The following TDP1 variants were observed in gnomAD, a reference collection of about 807,000 sequenced individuals.
TDP1 encodes the protein tyrosyl-DNA phosphodiesterase 1, also known as tyr-DNA phosphodiesterase 1.
A neutral mutation model predicts 81.5 loss-of-function variants in TDP1; 64 were observed. The observed-to-expected ratio is 0.79, with a 90% CI of 0.64 to 0.97. The LOEUF (loss-of-function observed/expected upper bound fraction) is 0.97, where lower values mean the gene tolerates loss of function less well. Among genes scored for constraint, TDP1 ranks in the 50% least tolerant of loss-of-function variants. The pLI is 0.00. For synonymous variants in TDP1, 256 were observed against 264.3 expected (o/e 0.97, Z 0.30); for missense variants, 723 against 743.8 (o/e 0.97, Z 0.33).
chr14:89,976,841 G>A (rs1319493547), intron 7 of TDP1, among the ~76,000 whole-genome samples: 3 of 152,078 alleles, frequency 2.0e-5, no homozygotes, highest in Non-Finnish European at 4.4e-5. Flanking sequence ...CTGGCCAAGA[G>A]CTCTTAATTC....
intron 16 of TDP1, among the ~76,000 whole-genome samples, chr14:90,035,461 CAA>C (rs754856885): frequency 6.6e-5 from 9 of 136,068 alleles, no homozygotes; most frequent in Non-Finnish European, 4.8e-5. Context: ...TACCTGCCAC[CAA>C]AAAAAAAAAA....
At chr14:90,035,733 C>CTTTTTTTTTT (rs543354253) in intron 16 of TDP1, among the ~76,000 whole-genome samples, 54 of 139,050 alleles carry the variant, frequency 3.9e-4, no homozygotes, top group African/African-American at 1.3e-3. Flanking sequence ...CCTTTTCTTC[C>CTTTTTTTTTT]TTTTTTTTTT....
At chr14:90,013,570 C>T (rs925127967) in intron 14 of TDP1, among the ~76,000 whole-genome samples, 3 of 152,104 alleles carry the variant, frequency 2.0e-5, no homozygotes, top group African/African-American at 7.2e-5. Context: ...ATTAAACATC[C>T]TTTCCTTTGT....
chr14:89,984,732 T>C (rs779823711), intron 9 of TDP1, 49 bp downstream of exon 9: 1 of 1,608,138 alleles, frequency 6.2e-7, no homozygotes, highest in South Asian at 1.1e-5. Flanking sequence ...GCTTATACCT[T>C]GGGAGCCTCA....
In TDP1 at chr14:89,988,955, C is replaced by A. The variant is rs780723266; in HGVS notation, c.1182C>A (p.Val394=). 6.2e-7 allele frequency: 1 copy of A among 1,614,156 alleles called. No homozygotes were observed. The highest frequency in any genetic ancestry group is 1.7e-5 in the Admixed American group (1 of 60,024). ...TGCCTAACGCAGAGTCCTGGCCTGT[C>A]GTAGGTCAGTTTTCAAGCGTTGGCT... ...SSMPNAESWP[V]VGQFSSVGSL... Residue 394 remains valine, a synonymous_variant, in exon 11 of 17, where the codon GTC becomes GTA. Transcript: ENST00000335725.
intron 14 of TDP1, among the ~76,000 whole-genome samples, chr14:90,011,594 G>A (rs547159947): frequency 6.6e-6 from 1 of 152,284 alleles, no homozygotes; most frequent in African/African-American, 2.4e-5. Context: ...TGGGGCATAG[G>A]GGACTCTTCC....
intron 14 of TDP1, among the ~76,000 whole-genome samples, chr14:90,014,572 C>T (rs1885097466): frequency 6.6e-6 from 1 of 152,192 alleles, no homozygotes; most frequent in South Asian, 2.1e-4. Context: ...CCCCTCATCC[C>T]TGGTCCTCTA....
At chr14:90,002,398 G>A (rs1288098310) in intron 14 of TDP1, among the ~76,000 whole-genome samples, 2 of 152,198 alleles carry the variant, frequency 1.3e-5, no homozygotes, top group African/African-American at 4.8e-5. Context: ...TCCCAAGGAT[G>A]ATGATAGAAA....
At position 89,984,672 on chromosome 14, in the gene TDP1, C is replaced by G. The variant is rs576050582; in HGVS notation, c.1041C>G (p.Leu347=). Residue 347 remains leucine (L), a synonymous_variant, in exon 9 of 17, where the codon CTC becomes CTG. Transcript: ENST00000335725. ...TAGATGTCATTCACAAGCACGATCTCTCTGAAACAAAGTATGTGTCAGCTT... is the reference window on the plus strand; with the variant it reads ...TAGATGTCATTCACAAGCACGATCTGTCTGAAACAAAGTATGTGTCAGCTT... ...EWIDVIHKHD[L]SETNVYLIGS... The G allele has an allele frequency of 6.2e-7, 1 of 1,613,940 alleles. No individual in the cohort carries two copies. Among genetic ancestry groups the G allele is most frequent in the East Asian group, 2.2e-5 (1 of 44,880 alleles).
rs1422547980 is a variant in TDP1 at position 89,989,057 on chromosome 14, G to A, written c.1284G>A (p.Lys428=). Residue 428 remains lysine, a synonymous_variant, in exon 11 of 17, where the codon AAG becomes AAA. Coordinates refer to ENST00000335725, the MANE Select transcript of TDP1 (RefSeq NM_018319.4). ...ESMLTLGKES[K]TPGKSSVPLY... ...TGCTGACACTGGGGAAGGAAAGCAA[G>A]ACTCCAGGAAAAAGCTCTGTTCCTC... 6 of 1,614,080 alleles carry A rather than the reference G, an allele frequency of 3.7e-6. No homozygotes were observed. Among genetic ancestry groups the A allele is most frequent in the Non-Finnish European group, 5.1e-6 (6 of 1,179,970 alleles).
intron 10 of TDP1, among the ~76,000 whole-genome samples, chr14:89,986,406 T>C (rs563620198): frequency 2.0e-5 from 3 of 152,356 alleles, no homozygotes; most frequent in East Asian, 3.9e-4. Flanking sequence ...AAATGATGAA[T>C]GTAAAATAGT....
intron 14 of TDP1, among the ~76,000 whole-genome samples, chr14:89,998,331 G>A (rs1162404238): frequency 1.5e-5 from 2 of 134,694 alleles, no homozygotes; most frequent in Admixed American, 7.8e-5. Context: ...GAGCTAACAT[G>A]TAGTTCTTAA....
intron 16 of TDP1, chr14:90,042,770 A>G (rs956036918): frequency 7.0e-6 from 4 of 571,502 alleles, no homozygotes; most frequent in Admixed American, 6.4e-5. Context: ...CCATGATTCA[A>G]TTACCTCCCA....
intron 15 of TDP1, among the ~76,000 whole-genome samples, chr14:90,020,986 G>A (rs1886022922): frequency 6.6e-6 from 1 of 151,696 alleles, no homozygotes; most frequent in Admixed American, 6.6e-5. Flanking sequence ...AGTAGAGACG[G>A]GGTTTCACCA....
intron 13 of TDP1, among the ~76,000 whole-genome samples, chr14:89,992,417 C>T (rs1896293961): frequency 6.6e-6 from 1 of 152,132 alleles, no homozygotes; most frequent in African/African-American, 2.4e-5. Context: ...TGTCAGAGTT[C>T]AGTAAATGCT....
At chr14:89,993,579 G>T in intron 14 of TDP1, 96 bp downstream of exon 14, 10 of 1,534,352 alleles carry the variant, frequency 6.5e-6, no homozygotes, top group Non-Finnish European at 8.8e-6. Flanking sequence ...AGTGATTAGT[G>T]AGTTGTCATT....
At position 89,980,589 on chromosome 14, in the gene TDP1, A is replaced by G. The variant is rs1308204961; in HGVS notation, c.841A>G (p.Thr281Ala). ...YEEGLRVVIH[T>A]SNLIHADWHQ... is the part of the protein sequence containing the mutation. Reference sequence around the variant, plus strand: ...AGAAGGCCTCCGGGTTGTCATACACACCTCCAACCTCATCCATGCTGACTG... The same window carrying G: ...AGAAGGCCTCCGGGTTGTCATACACGCCTCCAACCTCATCCATGCTGACTG... The change falls in exon 8 of 17, where the codon ACC (threonine) becomes GCC (alanine). Residue 281 changes from threonine (T) to alanine (A), a missense_variant. Transcript: ENST00000335725. The G allele has an allele frequency of 5.0e-6, 8 of 1,613,984 alleles. No individual in the cohort carries two copies. Among genetic ancestry groups the G allele is most frequent in the Non-Finnish European group, 5.9e-6 (7 of 1,180,042 alleles).
rs897106485 is a variant in TDP1 at position 90,016,819 on chromosome 14, G to A, written c.1542-2497G>A. Among the ~76,000 whole-genome samples the A allele has an allele frequency of 2.0e-5, 3 of 152,102 alleles. No individual in the cohort carries two copies. The East Asian group carries it at 5.8e-4, about 29-fold the overall frequency. On this transcript the variant is annotated intron_variant, in intron 14 of 16. Transcript: ENST00000335725. ...CCCAGAAGCTACTGTCACTCAACAT[G>A]ACTTTAGTAAGGGTTTGGGTAGTGT... is the stretch of plus-strand genomic sequence containing the variant.
chr14:90,025,951 C>T (rs1410950528), intron 15 of TDP1, among the ~76,000 whole-genome samples: 1 of 152,182 alleles, frequency 6.6e-6, no homozygotes, highest in African/African-American at 2.4e-5. Flanking sequence ...TGCACATAAG[C>T]ATCTGAGAAG....
Sources: gnomAD v4.1 joint callset for allele counts (sites outside exome capture counted in the v4.1 genomes callset) on GRCh38, gnomAD v4.1.1 for gene constraint, MANE v1.5 for transcripts, NCBI Gene and HGNC (gene_info 2026-07-23, HGNC 2026-07-21) for gene names.